The following RIN3 variants were observed in gnomAD, a reference collection of about 807,000 sequenced individuals.
RIN3 encodes RAB5 interacting protein 3.
RIN3 carries 54 observed loss-of-function variants against 76.3 expected under a neutral mutation model. That is an observed-to-expected ratio of 0.71 (90% CI 0.57 to 0.89). The LOEUF is 0.89. Ranked by LOEUF, RIN3 falls within the 40% of genes least tolerant of loss-of-function variation. The pLI, the probability that RIN3 is intolerant of heterozygous loss-of-function variation, is 0.00. For synonymous variants in RIN3, 576 were observed against 564.0 expected, an observed-to-expected ratio of 1.02 and a Z score of -0.30; for missense variants, 1,256 against 1,322.1, an observed-to-expected ratio of 0.95 and a Z score of 0.78.
intron 1 of RIN3, among the ~76,000 whole-genome samples, chr14:92,526,041 C>T (rs961180389): frequency 3.3e-5 from 5 of 152,134 alleles, no homozygotes; most frequent in Non-Finnish European, 5.9e-5. Flanking sequence ...CTGCAGGCTC[C>T]GTGTGCCTGT....
chr14:92,682,528 G>T (rs1338885263), intron 8 of RIN3, among the ~76,000 whole-genome samples: 1 of 152,186 alleles, frequency 6.6e-6, no homozygotes, highest in Non-Finnish European at 1.5e-5. Context: ...TTAGCATGTG[G>T]GGCCTTTGGC....
intron 3 of RIN3, among the ~76,000 whole-genome samples, chr14:92,599,603 A>G (rs964062051): frequency 2.0e-5 from 3 of 152,062 alleles, no homozygotes; most frequent in African/African-American, 7.2e-5. Flanking sequence ...ATGGAGTGGG[A>G]GCTCAGCAAA....
chr14:92,521,990 G>A (rs896247297), intron 1 of RIN3, among the ~76,000 whole-genome samples: 7 of 148,862 alleles, frequency 4.7e-5, no homozygotes, highest in Non-Finnish European at 7.4e-5. Flanking sequence ...CGCACCGAGT[G>A]GGAAAGGACA....
At chr14:92,674,663 C>T (rs540448241) in intron 7 of RIN3, among the ~76,000 whole-genome samples, 2 of 151,900 alleles carry the variant, frequency 1.3e-5, no homozygotes, top group African/African-American at 2.4e-5. Flanking sequence ...CTGAGACGGG[C>T]GGATCACTTG....
intron 1 of RIN3, among the ~76,000 whole-genome samples, chr14:92,534,305 C>T (rs990103031): frequency 2.9e-5 from 4 of 139,506 alleles, no homozygotes; most frequent in East Asian, 2.1e-4. Context: ...TGGGGCTGGG[C>T]GTGGTGGCTC....
rs891284669 is a variant in RIN3, at chr14:92,648,302, C to T, written c.533-3280C>T. ...GAAGCTGTGTCCCAGGTACCCAGGC[C>T]GAGAGCCTATTTGCCTGAACCCGTG... is the stretch of plus-strand genomic sequence containing the variant. On this transcript the variant is annotated intron_variant, in intron 5 of 9. Transcript: ENST00000216487. The surrounding 1 kb of genome is among the most constrained non-coding windows in gnomAD (Gnocchi z 4.1). Among the ~76,000 whole-genome samples, 1 of 152,098 alleles carries T rather than the reference C, an allele frequency of 6.6e-6. No homozygotes were observed. Among genetic ancestry groups the T allele is most frequent in the Non-Finnish European group, 1.5e-5 (1 of 68,014 alleles).
chr14:92,612,897 A>T (rs551035255), intron 3 of RIN3, among the ~76,000 whole-genome samples: 1 of 152,342 alleles, frequency 6.6e-6, no homozygotes, highest in Admixed American at 6.5e-5. Context: ...TAACCCAGCA[A>T]GGGGACTAGA....
At chr14:92,603,145 G>T (rs942058) in intron 3 of RIN3, among the ~76,000 whole-genome samples, 9 of 151,970 alleles carry the variant, frequency 5.9e-5, no homozygotes. Context: ...TGAGAGCTGC[G>T]GACTGGACAG....
intron 2 of RIN3, among the ~76,000 whole-genome samples, chr14:92,567,692 A>G (rs1306339786): frequency 1.3e-5 from 2 of 150,716 alleles, no homozygotes; most frequent in African/African-American, 4.9e-5. Context: ...AGGTGAAAAT[A>G]GACTCCATCT....
intron 1 of RIN3, among the ~76,000 whole-genome samples, chr14:92,523,512 A>G (rs1026216041): frequency 6.6e-6 from 1 of 152,212 alleles, no homozygotes; most frequent in Non-Finnish European, 1.5e-5. Context: ...ATAGCACCAG[A>G]TTATATGCCC....
At chr14:92,522,980 G>A (rs1213311599) in intron 1 of RIN3, among the ~76,000 whole-genome samples, 1 of 152,176 alleles carries the variant, frequency 6.6e-6, no homozygotes, top group Non-Finnish European at 1.5e-5. Context: ...ACAAACTTAA[G>A]CATAGAAGCT....
rs7157145 is a variant in RIN3 at position 92,581,613 on chromosome 14, C to T, written c.367+4136C>T. 4.8e-3 allele frequency among the ~76,000 whole-genome samples: 725 copies of T among 152,256 alleles called. 4 individuals are homozygous for T. Among genetic ancestry groups the T allele is most frequent in the African/African-American group, 0.017 (696 of 41,516 alleles). ...TGCGCCATACTCCTTCCCCACCTCC[C>T]CGCCCAGCCTCCAGGGTCACCACTC... On this transcript the variant is annotated intron_variant, in intron 3 of 9. Transcript: ENST00000216487.
intron 3 of RIN3, among the ~76,000 whole-genome samples, chr14:92,612,495 G>A (rs768902751): frequency 3.9e-5 from 6 of 152,212 alleles, no homozygotes; most frequent in Admixed American, 6.5e-5. Flanking sequence ...GACCCTGTCC[G>A]TGATGCCCCT....
chr14:92,563,565 G>A (rs1033596357), intron 2 of RIN3, among the ~76,000 whole-genome samples: 1 of 152,140 alleles, frequency 6.6e-6, no homozygotes, highest in Non-Finnish European at 1.5e-5. Flanking sequence ...AAACCAGCCT[G>A]AGTCATATGG....
rs566627467 is a variant in RIN3, at chr14:92,685,525, C to G, written c.2631+375C>G. On this transcript the variant is annotated intron_variant, in intron 9 of 9. Coordinates refer to ENST00000216487, the MANE Select transcript of RIN3 (RefSeq NM_024832.5). This position sits in a 1 kb window ranked among gnomAD's most constrained non-coding sequence, Gnocchi z 4.7. ...AAGGAGCCCACAGGCTCATCTACAG[C>G]CTTGCTCCTTAGTCCCTGGACAAAT... 4.8e-6 allele frequency: 1 copy of G among 208,426 alleles called. No homozygotes were observed. The highest frequency in any genetic ancestry group is 9.9e-6 in the Non-Finnish European group (1 of 101,310). 12.9% of individuals were successfully genotyped at this position (208,426 alleles called of 1,614,324 possible).
In RIN3 at chr14:92,651,784, C is replaced by T. The variant is rs754375612; in HGVS notation, c.735C>T (p.Ser245=). 2.2e-5 allele frequency: 36 copies of T among 1,613,822 alleles called. No individual in the cohort carries two copies. Among genetic ancestry groups the T allele is most frequent in the African/African-American group, 2.7e-5 (2 of 74,870 alleles). The change falls in exon 6 of 10, where the codon AGC becomes AGT. Residue 245 remains serine (S), a synonymous_variant. Coordinates refer to ENST00000216487, the MANE Select transcript of RIN3 (RefSeq NM_024832.5). The part of the protein sequence containing the change: ...VNPIFIEDCS[S]ALPTDQPPLG... ...CTATTTTCATCGAGGACTGCAGCAG[C>T]GCCCTGCCCACCGACCAGCCACCTC...
chr14:92,527,258 T>C (rs1370703504), intron 1 of RIN3, among the ~76,000 whole-genome samples: 1 of 149,844 alleles, frequency 6.7e-6, no homozygotes, highest in Non-Finnish European at 1.5e-5. Context: ...TTCACCGTGT[T>C]AGCCACAATG....
intron 1 of RIN3, among the ~76,000 whole-genome samples, chr14:92,526,741 G>C (rs1042386292): frequency 1.3e-5 from 2 of 152,188 alleles, no homozygotes; most frequent in Non-Finnish European, 2.9e-5. Flanking sequence ...GACAGAGCAA[G>C]ACTCTGTCTC....
intron 3 of RIN3, among the ~76,000 whole-genome samples, chr14:92,607,491 CTGTGGT>C (rs1207091530): frequency 2.6e-5 from 4 of 152,178 alleles, no homozygotes; most frequent in African/African-American, 9.7e-5. Flanking sequence ...TGGTGCATGC[CTGTGGT>C]TCCAGGTACT....
Sources: gnomAD v4.1 joint callset for allele counts (sites outside exome capture counted in the v4.1 genomes callset) on GRCh38, gnomAD v4.1.1 for gene constraint, Gnocchi (gnomAD v3.1) non-coding constraint, MANE v1.5 for transcripts, NCBI Gene and HGNC (gene_info 2026-07-23, HGNC 2026-07-21) for gene names.